Variants in KCNN2 observed in about 807,000 individuals in gnomAD.
The protein encoded by KCNN2 is small conductance calcium-activated potassium channel protein 2.
KCNN2 carries 24 observed loss-of-function variants against 55.5 expected under a neutral mutation model. The observed-to-expected ratio is 0.43, with a 90% CI of 0.31 to 0.61. KCNN2 has a LOEUF of 0.61. Among genes scored for constraint, KCNN2 ranks in the 20% least tolerant of loss-of-function variants. The pLI is 0.08. For missense variants in KCNN2, 754 were observed against 853.6 expected (o/e 0.88, Z 1.45); for synonymous variants, 431 against 336.1 (o/e 1.28, Z -3.09).
rs1242621752 is a variant in KCNN2 at position 114,168,302 on chromosome 5, A to G, written c.-270-53178A>G. ...ATTTATCATTCTCTGTGCTAATACC[A>G]TGTTTTACTTTAATAAGACAAGTTC... is the stretch of plus-strand genomic sequence containing the variant. On this transcript the variant is annotated intron_variant, in intron 1 of 10. Coordinates refer to the KCNN2 transcript ENST00000512097. 3.3e-5 allele frequency among the ~76,000 whole-genome samples: 5 copies of G among 151,996 alleles called. No homozygotes were observed. In the East Asian group the frequency reaches 9.7e-4, roughly 29 times the overall value.
intron 3 of KCNN2, among the ~76,000 whole-genome samples, chr5:114,422,197 C>T (rs1759491178): frequency 6.6e-6 from 1 of 152,276 alleles, no homozygotes; most frequent in South Asian, 2.1e-4. Flanking sequence ...ACACGTCTTA[C>T]TGCTATAGAT....
intron 1 of KCNN2, among the ~76,000 whole-genome samples, chr5:114,103,026 G>A (rs1396387511): frequency 1.3e-5 from 2 of 152,112 alleles, no homozygotes; most frequent in African/African-American, 4.8e-5. Context: ...ATTACTTTGG[G>A]CAGTATGGCC....
intron 5 of KCNN2, among the ~76,000 whole-genome samples, chr5:114,482,055 T>G (rs1471605803): frequency 6.6e-6 from 1 of 152,150 alleles, no homozygotes; most frequent in Non-Finnish European, 1.5e-5. Context: ...CTAAAGAGTT[T>G]CTGCACAGCA....
intron 2 of KCNN2, among the ~76,000 whole-genome samples, chr5:114,241,045 A>T (rs1754607967): frequency 6.6e-6 from 1 of 152,060 alleles, no homozygotes; most frequent in Non-Finnish European, 1.5e-5. Flanking sequence ...GGAGTAAAAA[A>T]CATTTGTATA....
rs189972452 is a variant in KCNN2, at chr5:114,490,014, T to C, written c.2018+2837T>C. ...CAAACTTCATAGCCTCTCTACTCTG[T>C]TGGATGCTGAACTGTCCAGGCCTGT... On this transcript the variant is annotated intron_variant, in intron 6 of 7. Transcript: ENST00000673685. 4.5e-3 allele frequency among the ~76,000 whole-genome samples: 680 copies of C among 152,328 alleles called. 2 individuals carry two copies. The highest frequency in any genetic ancestry group is 0.015 in the African/African-American group (644 of 41,586).
intron 2 of KCNN2, among the ~76,000 whole-genome samples, chr5:114,311,750 C>A (rs188392129): frequency 6.6e-6 from 1 of 152,164 alleles, no homozygotes; most frequent in Admixed American, 6.6e-5. Flanking sequence ...AGAGATGAAT[C>A]TTTGGTTTCA....
chr5:114,246,233 G>C (rs925088079), intron 2 of KCNN2, among the ~76,000 whole-genome samples: 39 of 152,202 alleles, frequency 2.6e-4, no homozygotes, highest in African/African-American at 8.9e-4. Context: ...ATACTGATTT[G>C]TGCTTCATTT....
intron 2 of KCNN2, among the ~76,000 whole-genome samples, chr5:114,262,104 A>G (rs569834309): frequency 1.3e-5 from 2 of 152,280 alleles, no homozygotes; most frequent in Admixed American, 6.5e-5. Flanking sequence ...GTCAATTTAT[A>G]TTTATTAGCA....
chr5:114,387,424 T>G (rs913274097), intron 2 of KCNN2, among the ~76,000 whole-genome samples: 1 of 152,244 alleles, frequency 6.6e-6, no homozygotes, highest in Admixed American at 6.5e-5. Flanking sequence ...TACAGCTTAG[T>G]GCATTTTTGC....
At chr5:114,387,861 C>A (rs754802587) in intron 2 of KCNN2, among the ~76,000 whole-genome samples, 1 of 152,124 alleles carries the variant, frequency 6.6e-6, no homozygotes, top group African/African-American at 2.4e-5. Flanking sequence ...TTGCTCTCCC[C>A]CTCTGCTCCC....
At chr5:114,433,064 C>T (rs998260882) in intron 3 of KCNN2, among the ~76,000 whole-genome samples, 18 of 152,182 alleles carry the variant, frequency 1.2e-4, no homozygotes, top group South Asian at 2.1e-4. Flanking sequence ...CTGAGTAGTG[C>T]GGGCGCACAG....
intron 1 of KCNN2, among the ~76,000 whole-genome samples, chr5:114,064,911 C>T (rs979039470): frequency 2.0e-5 from 3 of 152,152 alleles, no homozygotes; most frequent in African/African-American, 7.2e-5. Flanking sequence ...CTTGTATCAT[C>T]CAGAGATCAG....
At chr5:114,081,513 C>T (rs920700848) in intron 1 of KCNN2, among the ~76,000 whole-genome samples, 4 of 152,170 alleles carry the variant, frequency 2.6e-5, no homozygotes, top group African/African-American at 9.7e-5. Context: ...GACAAGACTG[C>T]TGGGACAATT....
chr5:114,289,881 C>G (rs1561557093), intron 2 of KCNN2, among the ~76,000 whole-genome samples: 1 of 152,048 alleles, frequency 6.6e-6, no homozygotes. Context: ...CTTTCATTTT[C>G]TTGGTTAAAT....
chr5:114,370,875 G>A (rs947093894), intron 2 of KCNN2, among the ~76,000 whole-genome samples: 2 of 152,156 alleles, frequency 1.3e-5, no homozygotes, highest in Admixed American at 1.3e-4. Context: ...AAGCAGGCAA[G>A]GCTCATGATC....
Position 114,189,968 on chromosome 5 carries a change from A to G in KCNN2, c.-270-31512A>G, listed in dbSNP as rs182235947. 2.4e-3 allele frequency among the ~76,000 whole-genome samples: 373 copies of G among 152,304 alleles called. 2 individuals are homozygous for G. Among genetic ancestry groups the G allele is most frequent in the African/African-American group, 8.6e-3 (357 of 41,578 alleles). ...TCTCAAAGTGAAAAGCAAAAGTTCA[A>G]AAGTTAACAAAAGAAAAATAAAATG... On this transcript the variant is annotated intron_variant, in intron 1 of 10. Coordinates refer to the KCNN2 transcript ENST00000512097.
At chr5:114,255,771 G>A (rs1754969910) in intron 2 of KCNN2, among the ~76,000 whole-genome samples, 1 of 152,130 alleles carries the variant, frequency 6.6e-6, no homozygotes, top group African/African-American at 2.4e-5. Context: ...TAGGGCATGG[G>A]AATACATAGA....
chr5:114,407,387 G>A (rs991601455), intron 3 of KCNN2, among the ~76,000 whole-genome samples: 1 of 151,850 alleles, frequency 6.6e-6, no homozygotes, highest in East Asian at 1.9e-4. Flanking sequence ...TCTGTATTGT[G>A]TATTAATTTC....
chr5:114,192,750 C>T (rs2112564397), intron 1 of KCNN2, among the ~76,000 whole-genome samples: 1 of 152,216 alleles, frequency 6.6e-6, no homozygotes, highest in East Asian at 1.9e-4. Context: ...AACTCAAATC[C>T]TATATTCTTC....
Sources: gnomAD v4.1 joint callset for allele counts (sites outside exome capture counted in the v4.1 genomes callset) on GRCh38, gnomAD v4.1.1 for gene constraint, MANE v1.5 for transcripts, NCBI Gene and HGNC (gene_info 2026-07-23, HGNC 2026-07-21) for gene names.